SOX5: variants seen among roughly 807,000 people sequenced by gnomAD.
The protein encoded by SOX5 is SRY-box transcription factor 5, also known as transcription factor SOX-5.
SOX5 carries 9 observed loss-of-function variants against 92.0 expected under a neutral mutation model. That is an observed-to-expected ratio of 0.10 (90% CI 0.06 to 0.17). The LOEUF is 0.17. SOX5 is among the 10% of genes least tolerant of loss of function. The probability of loss-of-function intolerance (pLI) is 1.00; values close to 1 mark genes in which losing one functional copy is unlikely to be tolerated. For missense variants in SOX5, 642 were observed against 944.5 expected (o/e 0.68, Z 4.20); for synonymous variants, 344 against 336.3 (o/e 1.02, Z -0.25).
chr12:23,676,259 T>C (rs948135241), intron 6 of SOX5, among the ~76,000 whole-genome samples: 1 of 152,216 alleles, frequency 6.6e-6, no homozygotes, highest in African/African-American at 2.4e-5. Context: ...GTGATGGACA[T>C]GTTAATTTAC....
At chr12:23,665,116 C>A (rs1034730208) in intron 7 of SOX5, among the ~76,000 whole-genome samples, 7 of 152,144 alleles carry the variant, frequency 4.6e-5, no homozygotes, top group Non-Finnish European at 7.4e-5. Context: ...TTGGGTTTAT[C>A]TCACTGTTAA....
At chr12:23,753,106 T>C (rs997555626) in intron 4 of SOX5, among the ~76,000 whole-genome samples, 1 of 151,824 alleles carries the variant, frequency 6.6e-6, no homozygotes, top group East Asian at 1.9e-4. Flanking sequence ...CATTAATTGA[T>C]AGCTAAACTC....
intron 1 of SOX5, among the ~76,000 whole-genome samples, chr12:24,405,663 G>A (rs1408967403): frequency 1.3e-5 from 2 of 152,184 alleles, no homozygotes; most frequent in African/African-American, 4.8e-5. Flanking sequence ...CTGCCACCCT[G>A]ATCCCAGGCC....
chr12:23,619,476 C>A (rs1010779549), intron 8 of SOX5, among the ~76,000 whole-genome samples: 1 of 152,086 alleles, frequency 6.6e-6, no homozygotes, highest in African/African-American at 2.4e-5. Context: ...AAGTTGGAAT[C>A]CAAATCTTTT....
chr12:23,581,496 G>C (rs1365118988), intron 9 of SOX5, among the ~76,000 whole-genome samples: 1 of 151,876 alleles, frequency 6.6e-6, no homozygotes, highest in Non-Finnish European at 1.5e-5. Context: ...CTAAATTAAT[G>C]ATTGAAAATC....
At chr12:23,873,241 A>G (rs2096893367) in intron 2 of SOX5, among the ~76,000 whole-genome samples, 2 of 152,106 alleles carry the variant, frequency 1.3e-5, no homozygotes, top group Non-Finnish European at 1.5e-5. Context: ...AGGCAGACAG[A>G]TTGCTTGAGC....
chr12:23,552,627 G>T (rs1174396699), intron 11 of SOX5, among the ~76,000 whole-genome samples: 2 of 151,886 alleles, frequency 1.3e-5, no homozygotes, highest in Non-Finnish European at 2.9e-5. Context: ...TATGTAGTCA[G>T]GAGATAGAAC....
At chr12:23,695,777 T>C (rs957518847) in intron 6 of SOX5, among the ~76,000 whole-genome samples, 11 of 150,682 alleles carry the variant, frequency 7.3e-5, no homozygotes, top group Non-Finnish European at 1.3e-4. Flanking sequence ...CCGTCTCTAC[T>C]AAAAATACAA....
At chr12:23,852,307 C>T (rs1211888299) in intron 2 of SOX5, among the ~76,000 whole-genome samples, 1 of 152,062 alleles carries the variant, frequency 6.6e-6, no homozygotes, top group Non-Finnish European at 1.5e-5. Context: ...AGACATAGCA[C>T]ACTCTCGGGG....
chr12:23,962,458 T>C (rs1464497254), intron 4 of SOX5, among the ~76,000 whole-genome samples: 1 of 152,118 alleles, frequency 6.6e-6, no homozygotes, highest in Non-Finnish European at 1.5e-5. Flanking sequence ...TTAAAAATTA[T>C]ACATTAAAAA....
intron 4 of SOX5, among the ~76,000 whole-genome samples, chr12:23,747,823 T>C (rs2094042649): frequency 1.3e-5 from 2 of 152,090 alleles, no homozygotes; most frequent in Admixed American, 6.6e-5. Flanking sequence ...GACTGGCTTT[T>C]TTCTTTAATT....
chr12:23,546,191 T>C (rs1025439894), intron 12 of SOX5, 125 bp downstream of exon 12: 1 of 628,686 alleles, frequency 1.6e-6, no homozygotes, highest in Non-Finnish European at 2.8e-6. Context: ...GCTCAGTATA[T>C]GTGACCTCTT....
chr12:24,225,731 T>C (rs1411320630), intron 3 of SOX5, among the ~76,000 whole-genome samples: 2 of 152,240 alleles, frequency 1.3e-5, no homozygotes, highest in African/African-American at 4.8e-5. Flanking sequence ...ATATTTTTAA[T>C]GATTGTAATG....
chr12:24,247,820 T>G (rs1429487549), intron 3 of SOX5, among the ~76,000 whole-genome samples: 1 of 151,670 alleles, frequency 6.6e-6, no homozygotes, highest in Non-Finnish European at 1.5e-5. Flanking sequence ...CTGGCTAATT[T>G]TTTTTGTATT....
intron 4 of SOX5, among the ~76,000 whole-genome samples, chr12:24,186,003 T>C (rs963163191): frequency 6.6e-6 from 1 of 152,018 alleles, no homozygotes; most frequent in African/African-American, 2.4e-5. Context: ...CTCAACTAGA[T>C]AACATGAGAA....
chr12:24,171,138 A>ATTT (rs71059984), intron 4 of SOX5, among the ~76,000 whole-genome samples: 11,163 of 84,658 alleles, frequency 0.13, 1,156 homozygotes, highest in African/African-American at 0.24. Context: ...CCCAAGATCT[A>ATTT]TTTTTTTTTT....
At chr12:23,766,160 ATCT>A (rs1294031847) in intron 3 of SOX5, among the ~76,000 whole-genome samples, 1 of 152,178 alleles carries the variant, frequency 6.6e-6, no homozygotes, top group Admixed American at 6.5e-5. Context: ...TTCTAAAGTA[ATCT>A]TCTGGTCATC....
chr12:24,382,536 A>G (rs1370454186), intron 1 of SOX5, among the ~76,000 whole-genome samples: 1 of 152,186 alleles, frequency 6.6e-6, no homozygotes, highest in Non-Finnish European at 1.5e-5. Flanking sequence ...CCCCTGAGGT[A>G]GGAAGCCATT....
intron 4 of SOX5, among the ~76,000 whole-genome samples, chr12:23,984,578 T>G (rs141111288): frequency 6.6e-6 from 1 of 152,144 alleles, no homozygotes; most frequent in Non-Finnish European, 1.5e-5. Context: ...TTGAATATAG[T>G]GAAGTAGTGA....
Sources: allele counts gnomAD v4.1 joint callset (sites outside exome capture counted in the v4.1 genomes callset), GRCh38; gene constraint gnomAD v4.1.1; transcripts MANE v1.5; gene names NCBI Gene and HGNC (gene_info 2026-07-23, HGNC 2026-07-21).